The following RALGAPA1 variants were observed in gnomAD, a reference collection of about 807,000 sequenced individuals.
The protein encoded by RALGAPA1 is Ral GTPase activating protein catalytic subunit alpha 1.
Under a neutral mutation model 269.6 loss-of-function variants are expected in RALGAPA1, and 52 were observed. The ratio of observed to expected loss-of-function variants is 0.19; its 90% CI spans 0.15 to 0.24. The LOEUF (loss-of-function observed/expected upper bound fraction) is 0.24. Ranked by LOEUF, RALGAPA1 falls within the 10% of genes least tolerant of loss-of-function variation. The pLI, the probability that RALGAPA1 is intolerant of heterozygous loss-of-function variation, is 1.00. For synonymous variants in RALGAPA1, 817 were observed against 1,008.3 expected (o/e 0.81, Z 3.60); for missense variants, 1,917 against 3,013.9 (o/e 0.64, Z 8.52).
chr14:35,546,670 AT>A (rs1217377100), intron 41 of RALGAPA1, among the ~76,000 whole-genome samples: 1 of 151,996 alleles, frequency 6.6e-6, no homozygotes, highest in East Asian at 1.9e-4. Context: ...TTATGAATCC[AT>A]TTTTTCAATG....
At chr14:35,747,347 C>T (rs532572541) in intron 10 of RALGAPA1, among the ~76,000 whole-genome samples, 1 of 152,146 alleles carries the variant, frequency 6.6e-6, no homozygotes, top group Non-Finnish European at 1.5e-5. Flanking sequence ...AACTGGAAAG[C>T]CTGAATAGTT....
intron 3 of RALGAPA1, among the ~76,000 whole-genome samples, chr14:35,771,485 G>A (rs543397712): frequency 6.6e-6 from 1 of 152,108 alleles, no homozygotes; most frequent in Admixed American, 6.5e-5. Flanking sequence ...TTTTAGCACT[G>A]GCATGTTGAT....
chr14:35,699,332 C>T (rs549896723), intron 17 of RALGAPA1, among the ~76,000 whole-genome samples: 1 of 152,086 alleles, frequency 6.6e-6, no homozygotes, highest in Non-Finnish European at 1.5e-5. Context: ...TGGTGATTGA[C>T]TCAAAAAGGT....
intron 26 of RALGAPA1, among the ~76,000 whole-genome samples, chr14:35,666,030 T>C (rs889632833): frequency 6.6e-6 from 1 of 151,588 alleles, no homozygotes; most frequent in African/African-American, 2.4e-5. Flanking sequence ...TTTTTTTTTT[T>C]CTTGAGAAGG....
At chr14:35,720,181 C>A (rs948792190) in intron 16 of RALGAPA1, among the ~76,000 whole-genome samples, 9 of 152,208 alleles carry the variant, frequency 5.9e-5, no homozygotes, top group Non-Finnish European at 1.2e-4. Flanking sequence ...CCATTATATT[C>A]ATTTTAATAC....
chr14:35,618,620 A>G (rs2060406092), intron 35 of RALGAPA1, among the ~76,000 whole-genome samples: 1 of 152,150 alleles, frequency 6.6e-6, no homozygotes, highest in Admixed American at 6.5e-5. Flanking sequence ...GTGCAATAAG[A>G]CGTGATATAA....
rs1311849091 is a variant in RALGAPA1 at position 35,588,618 on chromosome 14, T to A, written c.7209+7016A>T. Among the ~76,000 whole-genome samples, 3 of 152,202 alleles carry A rather than the reference T, an allele frequency of 2.0e-5. No individual in the cohort carries two copies. The East Asian group carries it at 5.8e-4, about 29-fold the overall frequency. On this transcript the variant is annotated intron_variant, in intron 37 of 41. Transcript: ENST00000680220. ...AAAAGACAAAATGTAACGGCAAGGA[T>A]GTGGAAAAAAGAGGACTTTGTTACA...
At chr14:35,733,252 C>T (rs868697051) in intron 12 of RALGAPA1, among the ~76,000 whole-genome samples, 56 of 152,032 alleles carry the variant, frequency 3.7e-4, no homozygotes, top group Non-Finnish European at 1.2e-4. Flanking sequence ...CTGAGGCGGG[C>T]GGATCACCTG....
rs150769817 is a variant in RALGAPA1, at chr14:35,678,022, G to A, written c.4552C>T (p.His1518Tyr). Residue 1518 changes from histidine to tyrosine, a missense_variant, in exon 22 of 42, where the codon CAC becomes TAC. Physicochemically the swap from His to Tyr is moderately conservative, Grantham distance 83. Transcript: ENST00000680220. ...AGCTGCAGATCCTTCTGTTCCATGT[G>A]ATCTATATTCAATGTAGAAGGGGAA... The part of the protein sequence containing the change: ...TPSPSTLNID[H>Y]MEQKDLQLDE... The A allele has an allele frequency of 5.0e-5, 81 of 1,613,456 alleles. No homozygotes were observed. The African/African-American group carries it at 9.9e-4, about 20-fold the overall frequency.
At chr14:35,759,617 T>C (rs2073517552) in intron 6 of RALGAPA1, among the ~76,000 whole-genome samples, 1 of 150,734 alleles carries the variant, frequency 6.6e-6, no homozygotes, top group Non-Finnish European at 1.5e-5. Context: ...AAGTGAATGT[T>C]AGAAAAATCT....
At chr14:35,800,588 G>A (rs573307734) in intron 1 of RALGAPA1, among the ~76,000 whole-genome samples, 45 of 152,190 alleles carry the variant, frequency 3.0e-4, no homozygotes, top group Non-Finnish European at 5.3e-4. Context: ...GCTAGTTAGG[G>A]GAAAATTTTT....
intron 19 of RALGAPA1, among the ~76,000 whole-genome samples, chr14:35,685,574 A>G (rs989884017): frequency 6.6e-6 from 1 of 152,208 alleles, no homozygotes; most frequent in Admixed American, 6.5e-5. Context: ...GGAGTTATAG[A>G]GAAGTCAAAC....
intron 28 of RALGAPA1, among the ~76,000 whole-genome samples, chr14:35,657,364 AT>A (rs1167706707): frequency 6.6e-6 from 1 of 151,232 alleles, no homozygotes; most frequent in Admixed American, 6.6e-5. Context: ...AATTTTTTGT[AT>A]TTTTAGTAGA....
intron 31 of RALGAPA1, among the ~76,000 whole-genome samples, chr14:35,647,947 CTAAA>C (rs557114799): frequency 6.7e-6 from 1 of 150,252 alleles, no homozygotes; most frequent in African/African-American, 2.5e-5. Context: ...AACTCCGTCT[CTAAA>C]TAAATAAATA....
intron 1 of RALGAPA1, among the ~76,000 whole-genome samples, chr14:35,777,462 T>C (rs972674528): frequency 3.3e-5 from 5 of 152,222 alleles, no homozygotes; most frequent in Admixed American, 6.5e-5. Context: ...AGAATGCTGG[T>C]GAAAAAGAGT....
intron 1 of RALGAPA1, among the ~76,000 whole-genome samples, chr14:35,808,152 C>T (rs997772208): frequency 2.0e-5 from 3 of 152,112 alleles, no homozygotes; most frequent in Admixed American, 1.3e-4. Context: ...ATATACAATT[C>T]TCGAGAAGCA....
At chr14:35,727,310 CATATATATATATATA>C (rs1388519473) in intron 13 of RALGAPA1, among the ~76,000 whole-genome samples, 15 of 104,476 alleles carry the variant, frequency 1.4e-4, no homozygotes, top group African/African-American at 5.5e-4. Context: ...AAAATTATGG[CATATATATATATATA>C]TATATATATA....
At chr14:35,613,127 G>T in intron 35 of RALGAPA1, among the ~76,000 whole-genome samples, 1 of 151,326 alleles carries the variant, frequency 6.6e-6, no homozygotes. Context: ...TGTCATCCAG[G>T]CTGGAGGGCA....
At chr14:35,572,780 C>A in intron 37 of RALGAPA1, 62 bp from the exon 38 acceptor site, 2 of 1,169,040 alleles carry the variant, frequency 1.7e-6, no homozygotes, top group South Asian at 2.2e-5. Flanking sequence ...GTCATACAGT[C>A]ACATACAACA....
Sources: allele counts gnomAD v4.1 joint callset (sites outside exome capture counted in the v4.1 genomes callset), GRCh38; gene constraint gnomAD v4.1.1; transcripts MANE v1.5; gene names NCBI Gene and HGNC (gene_info 2026-07-23, HGNC 2026-07-21).